Variants in PPP1R13B observed in about 807,000 individuals in gnomAD.
PPP1R13B encodes the protein apoptosis-stimulating of p53 protein 1.
A neutral mutation model predicts 119.8 loss-of-function variants in PPP1R13B; 44 were observed. That is an observed-to-expected ratio of 0.37 (90% CI 0.29 to 0.47). The LOEUF (loss-of-function observed/expected upper bound fraction) is 0.47. Ranked by LOEUF, PPP1R13B falls within the 20% of genes least tolerant of loss-of-function variation. The pLI is 0.99. For synonymous variants in PPP1R13B, 542 were observed against 561.5 expected (o/e 0.97, Z 0.49); for missense variants, 1,227 against 1,413.5 (o/e 0.87, Z 2.12).
intron 1 of PPP1R13B, among the ~76,000 whole-genome samples, chr14:103,800,480 C>T (rs1425277477): frequency 6.6e-6 from 1 of 152,088 alleles, no homozygotes; most frequent in East Asian, 1.9e-4. Flanking sequence ...TGGCAAAACA[C>T]TGTCTCTACT....
chr14:103,848,765 G>A (rs973902466), upstream of PPP1R13B, among the ~76,000 whole-genome samples: 2 of 152,214 alleles, frequency 1.3e-5, no homozygotes, highest in South Asian at 4.1e-4. Flanking sequence ...CCATTCCTGG[G>A]GAGCCACCCC....
At chr14:103,820,038 TG>T (rs2086369928) in intron 1 of PPP1R13B, among the ~76,000 whole-genome samples, 1 of 152,128 alleles carries the variant, frequency 6.6e-6, no homozygotes, top group Non-Finnish European at 1.5e-5. Context: ...TCCAAGGCCT[TG>T]AGTAGTCCTC....
intron 1 of PPP1R13B, among the ~76,000 whole-genome samples, chr14:103,809,980 C>A (rs1172706227): frequency 6.6e-6 from 1 of 151,484 alleles, no homozygotes; most frequent in African/African-American, 2.4e-5. Flanking sequence ...GCATGCGCCA[C>A]CATGCCTGGC....
rs2084107045 is a variant in PPP1R13B at position 103,736,222 on chromosome 14, G to A, written c.3032-20C>T. On this transcript the variant is annotated intron_variant, in intron 15 of 16. Transcript: ENST00000202556. Reference sequence around the variant, plus strand: ...GCACCCCTGGAGCCAGAGAGCAATGGTCAGGCCTCAGCAGAGGGTGGCCTG... The same window carrying A: ...GCACCCCTGGAGCCAGAGAGCAATGATCAGGCCTCAGCAGAGGGTGGCCTG... The A allele has an allele frequency of 2.5e-6, 4 of 1,610,128 alleles. No homozygotes were observed. Among genetic ancestry groups the A allele is most frequent in the Non-Finnish European group, 3.4e-6 (4 of 1,178,588 alleles).
chr14:103,794,548 A>G (rs1251753749), intron 2 of PPP1R13B: 1 of 362,292 alleles, frequency 2.8e-6, no homozygotes, highest in East Asian at 9.1e-5. Flanking sequence ...GGCTGGTCTC[A>G]AACTCCTGAC....
intron 15 of PPP1R13B, chr14:103,736,957 C>G (rs1235229060): frequency 6.6e-6 from 1 of 152,340 alleles, no homozygotes; most frequent in Non-Finnish European, 1.5e-5. Flanking sequence ...AGAAGATGTT[C>G]CAGCTCTTGG....
chr14:103,741,627 C>T (rs1006513345), intron 11 of PPP1R13B, among the ~76,000 whole-genome samples, 163 bp downstream of exon 11: 1 of 152,240 alleles, frequency 6.6e-6, no homozygotes, highest in African/African-American at 2.4e-5. Context: ...ATTCCAGCTT[C>T]CATTCCCTTC....
chr14:103,745,671 G>A (rs146749733), intron 9 of PPP1R13B, among the ~76,000 whole-genome samples: 99 of 152,350 alleles, frequency 6.5e-4, no homozygotes, highest in African/African-American at 2.3e-3. Flanking sequence ...AGGACAGAGC[G>A]CTGTTTGTAG....
intron 7 of PPP1R13B, among the ~76,000 whole-genome samples, chr14:103,752,608 T>TA (rs2084577686): frequency 1.3e-5 from 2 of 149,694 alleles, no homozygotes; most frequent in Admixed American, 1.3e-4. Flanking sequence ...AATCTTGGCT[T>TA]ACTGCAGCTT....
intron 2 of PPP1R13B, among the ~76,000 whole-genome samples, chr14:103,796,593 G>A (rs1449492658): frequency 1.3e-5 from 2 of 152,252 alleles, no homozygotes; most frequent in Non-Finnish European, 2.9e-5. Context: ...GGTTAAACAC[G>A]AATTACCATA....
chr14:103,764,599 A>C (rs1382864261), intron 4 of PPP1R13B: 1 of 173,974 alleles, frequency 5.7e-6, no homozygotes, highest in African/African-American at 2.4e-5. Context: ...AAAGTTTCAA[A>C]ATGCTTATTC....
At chr14:103,806,054 A>C (rs2086010247) in intron 1 of PPP1R13B, among the ~76,000 whole-genome samples, 1 of 152,244 alleles carries the variant, frequency 6.6e-6, no homozygotes, top group Non-Finnish European at 1.5e-5. Flanking sequence ...GTTTTTAAAA[A>C]GTAGGATATA....
chr14:103,781,624 C>CAAGT (rs2085335800), intron 3 of PPP1R13B, among the ~76,000 whole-genome samples: 1 of 151,918 alleles, frequency 6.6e-6, no homozygotes, highest in African/African-American at 2.4e-5. Context: ...TGTTAATTAA[C>CAAGT]AAGTTAAAGG....
intron 1 of PPP1R13B, among the ~76,000 whole-genome samples, chr14:103,819,444 C>T (rs1309488266): frequency 6.7e-6 from 1 of 148,230 alleles, no homozygotes. Flanking sequence ...CTGCAGTGAA[C>T]TATGATCCTG....
At chr14:103,771,128 A>T (rs1166158875) in intron 4 of PPP1R13B, among the ~76,000 whole-genome samples, 1 of 152,168 alleles carries the variant, frequency 6.6e-6, no homozygotes, top group African/African-American at 2.4e-5. Context: ...GGAAGGAGAG[A>T]CGGCCCCCTA....
At chr14:103,786,306 T>G (rs1199263508) in intron 2 of PPP1R13B, among the ~76,000 whole-genome samples, 1 of 152,204 alleles carries the variant, frequency 6.6e-6, no homozygotes, top group Non-Finnish European at 1.5e-5. Context: ...CCTCCCAAAG[T>G]GCTGGGATTA....
intron 4 of PPP1R13B, chr14:103,763,872 G>A (rs1263380987): frequency 6.6e-6 from 1 of 152,174 alleles, no homozygotes; most frequent in African/African-American, 2.4e-5. Flanking sequence ...CTTTCTTCCG[G>A]ACGCTTCATA....
intron 1 of PPP1R13B, among the ~76,000 whole-genome samples, chr14:103,829,797 T>G (rs550273776): frequency 3.8e-4 from 58 of 152,250 alleles, no homozygotes; most frequent in African/African-American, 1.4e-3. Flanking sequence ...TATTTTTTTT[T>G]TAAACGCAGT....
At chr14:103,807,899 A>G (rs2086056199) in intron 1 of PPP1R13B, among the ~76,000 whole-genome samples, 1 of 152,138 alleles carries the variant, frequency 6.6e-6, no homozygotes, top group African/African-American at 2.4e-5. Context: ...TTACCCCTCT[A>G]ATCACTGAAT....
Sources: allele counts gnomAD v4.1 joint callset (sites outside exome capture counted in the v4.1 genomes callset), GRCh38; gene constraint gnomAD v4.1.1; transcripts MANE v1.5; gene names NCBI Gene and HGNC (gene_info 2026-07-23, HGNC 2026-07-21).